ICA1: variants seen among roughly 807,000 people sequenced by gnomAD.
ICA1 encodes the protein 69 kDa islet cell autoantigen.
In ICA1, 40 loss-of-function variants were observed where a neutral mutation model predicts 71.0. The observed-to-expected ratio is 0.56, with a 90% confidence interval of 0.44 to 0.73. The LOEUF is 0.73. Ranked by LOEUF, ICA1 falls within the 30% of genes least tolerant of loss-of-function variation. The pLI is 0.00. For missense variants in ICA1, 578 were observed against 576.5 expected (o/e 1.00, Z -0.03); for synonymous variants, 207 against 209.5 (o/e 0.99, Z 0.10).
At chr7:8,160,368 C>T (rs1032656063) in intron 6 of ICA1, among the ~76,000 whole-genome samples, 4 of 152,142 alleles carry the variant, frequency 2.6e-5, no homozygotes, top group Non-Finnish European at 5.9e-5. Flanking sequence ...ATTTTGGCTG[C>T]TGTTATTACT....
chr7:8,219,455 T>A (rs577983792), intron 5 of ICA1, among the ~76,000 whole-genome samples: 134 of 152,374 alleles, frequency 8.8e-4, no homozygotes, highest in South Asian at 1.9e-3. Flanking sequence ...TGCAATGCCT[T>A]ACGTGCGTGT....
chr7:8,261,237 T>A (rs1007274518), intron 1 of ICA1, among the ~76,000 whole-genome samples: 1 of 152,144 alleles, frequency 6.6e-6, no homozygotes. Flanking sequence ...TTCGCCAGAA[T>A]AAGGGCGCGA....
At chr7:8,126,019 G>A in intron 13 of ICA1, among the ~76,000 whole-genome samples, 1 of 152,210 alleles carries the variant, frequency 6.6e-6, no homozygotes, top group East Asian at 1.9e-4. Context: ...GCCCCACTGT[G>A]GGCACTGAGA....
chr7:8,204,910 G>C (rs966924005), intron 6 of ICA1, among the ~76,000 whole-genome samples: 1 of 152,092 alleles, frequency 6.6e-6, no homozygotes, highest in Non-Finnish European at 1.5e-5. Flanking sequence ...GACATGCCAG[G>C]GAGAAAGGAG....
chr7:8,250,091 T>C (rs1020682878), intron 1 of ICA1, among the ~76,000 whole-genome samples: 4 of 152,232 alleles, frequency 2.6e-5, no homozygotes, highest in Non-Finnish European at 2.9e-5. Flanking sequence ...GGGGAAATAC[T>C]GATTTGTCAG....
intron 8 of ICA1, among the ~76,000 whole-genome samples, chr7:8,148,289 G>A (rs557462500): frequency 7.9e-5 from 12 of 152,146 alleles, no homozygotes; most frequent in African/African-American, 1.7e-4. Flanking sequence ...GGTGGCAGGC[G>A]GTGTCTTAGA....
intron 10 of ICA1, among the ~76,000 whole-genome samples, chr7:8,140,801 GA>G (rs1451416396): frequency 2.0e-5 from 3 of 152,214 alleles, no homozygotes; most frequent in Non-Finnish European, 4.4e-5. Context: ...TTGAAAGGCA[GA>G]TAGGAGAAAA....
intron 1 of ICA1, among the ~76,000 whole-genome samples, chr7:8,236,338 G>T (rs1206624162): frequency 6.6e-6 from 1 of 152,186 alleles, no homozygotes; most frequent in Admixed American, 6.5e-5. Context: ...ATAAGGTGAA[G>T]GTATAAAGAA....
intron 8 of ICA1, among the ~76,000 whole-genome samples, chr7:8,154,352 T>G (rs36099259): frequency 0.13 from 19,345 of 152,234 alleles, 1,425 homozygotes; most frequent in Non-Finnish European, 0.17. Flanking sequence ...GCAAAAAACT[T>G]GTCCCTCCAA....
Position 8,113,972 on chromosome 7 carries a change from G to C in ICA1, c.1403C>G (p.Pro468Arg). Residue 468 changes from proline to arginine, a missense_variant, in exon 14 of 14, where the codon CCT becomes CGT. Pro to Arg is a moderately radical substitution (Grantham distance 103, BLOSUM62 -2). Transcript: ENST00000402384. This position sits in a 1 kb window ranked among gnomAD's most constrained non-coding sequence, Gnocchi z 4.2. Reference sequence around the variant, plus strand: ...TTTATCGGTTTTCCCAACAGCATCAGGATTTGAGAGTGGGTCGAGGTCAGC... The same window carrying C: ...TTTATCGGTTTTCCCAACAGCATCACGATTTGAGAGTGGGTCGAGGTCAGC... ...LFADLDPLSNPDAVGKTDKEH... is the reference protein window; with the variant it reads ...LFADLDPLSNRDAVGKTDKEH... The C allele has an allele frequency of 6.2e-7, 1 of 1,614,146 alleles. No homozygotes were observed. The highest frequency in any genetic ancestry group is 8.5e-7 in the Non-Finnish European group (1 of 1,180,012).
chr7:8,193,688 T>C (rs1440609844), intron 6 of ICA1, among the ~76,000 whole-genome samples: 2 of 152,234 alleles, frequency 1.3e-5, no homozygotes, highest in Non-Finnish European at 2.9e-5. Context: ...AAGTTAGAGT[T>C]TGGCCAGATA....
chr7:8,243,184 G>T (rs10280651), intron 1 of ICA1, among the ~76,000 whole-genome samples: 17 of 152,070 alleles, frequency 1.1e-4, no homozygotes, highest in African/African-American at 1.2e-4. Context: ...ACTGGCAAAC[G>T]GAATCCAGCA....
chr7:8,145,245 C>A (rs978245840), intron 8 of ICA1, among the ~76,000 whole-genome samples: 8 of 152,126 alleles, frequency 5.3e-5, no homozygotes, highest in Non-Finnish European at 1.2e-4. Flanking sequence ...CCTCTCTGAC[C>A]AATTTTGAAG....
At chr7:8,186,567 T>A (rs953514688) in intron 6 of ICA1, among the ~76,000 whole-genome samples, 2 of 152,092 alleles carry the variant, frequency 1.3e-5, no homozygotes, top group African/African-American at 4.8e-5. Context: ...AGACAGGGGA[T>A]GGATGACAGA....
chr7:8,231,940 T>C (rs554804682), intron 3 of ICA1, among the ~76,000 whole-genome samples: 1 of 152,350 alleles, frequency 6.6e-6, no homozygotes, highest in South Asian at 2.1e-4. Context: ...TGAGTTCATT[T>C]TGAATCCTTA....
intron 6 of ICA1, among the ~76,000 whole-genome samples, chr7:8,161,797 A>T (rs1803933929): frequency 6.6e-6 from 1 of 152,230 alleles, no homozygotes; most frequent in African/African-American, 2.4e-5. Flanking sequence ...GTGAGCCCAC[A>T]AAGACGAGAA....
intron 1 of ICA1, among the ~76,000 whole-genome samples, chr7:8,237,106 T>C (rs1358689642): frequency 6.6e-6 from 1 of 152,154 alleles, no homozygotes; most frequent in Non-Finnish European, 1.5e-5. Context: ...ATTTCCAGAG[T>C]GTCAGATGCC....
At chr7:8,252,807 G>A (rs1056345480) in intron 1 of ICA1, among the ~76,000 whole-genome samples, 22 of 150,232 alleles carry the variant, frequency 1.5e-4, no homozygotes, top group Non-Finnish European at 2.8e-4. Flanking sequence ...TATATTTTAC[G>A]TTGAAACAAT....
chr7:8,189,505 T>C (rs756344825), intron 6 of ICA1, among the ~76,000 whole-genome samples: 5 of 152,204 alleles, frequency 3.3e-5, no homozygotes, highest in Admixed American at 6.5e-5. Flanking sequence ...CATTCTAACA[T>C]TTGTTGGCTG....
Sources: gnomAD v4.1 joint callset for allele counts (sites outside exome capture counted in the v4.1 genomes callset) on GRCh38, gnomAD v4.1.1 for gene constraint, Gnocchi (gnomAD v3.1) non-coding constraint, MANE v1.5 for transcripts, NCBI Gene and HGNC (gene_info 2026-07-23, HGNC 2026-07-21) for gene names.